Variants in GLCE observed in about 807,000 individuals in gnomAD.
The protein encoded by GLCE is D-glucuronyl C5-epimerase.
Under a neutral mutation model 47.9 loss-of-function variants are expected in GLCE, and 19 were observed. The ratio of observed to expected loss-of-function variants is 0.40; its 90% CI spans 0.28 to 0.58. The LOEUF (loss-of-function observed/expected upper bound fraction) is 0.58, where lower values mean the gene tolerates loss of function less well. Among genes scored for constraint, GLCE ranks in the 20% least tolerant of loss-of-function variants. The pLI is 0.48. For missense variants in GLCE, 556 were observed against 743.3 expected, an observed-to-expected ratio of 0.75 and a Z score of 2.93; for synonymous variants, 245 against 263.4, an observed-to-expected ratio of 0.93 and a Z score of 0.68.
At chr15:69,168,106 C>G (rs994501306) in intron 1 of GLCE, among the ~76,000 whole-genome samples, 2 of 152,016 alleles carry the variant, frequency 1.3e-5, no homozygotes, top group African/African-American at 4.8e-5. Context: ...CCAACATACT[C>G]TAGATTTTTA....
rs532516303 is a variant in GLCE at position 69,255,778 on chromosome 15, C to T, written c.-13-16C>T. The T allele has an allele frequency of 7.1e-5, 99 of 1,402,930 alleles. No homozygotes were observed. Among genetic ancestry groups the T allele is most frequent in the African/African-American group, 4.5e-4 (31 of 68,540 alleles). 86.9% of individuals were successfully genotyped at this position (1,402,930 alleles called of 1,614,324 possible). On this transcript the variant is annotated splice_polypyrimidine_tract_variant and intron_variant, in intron 2 of 4. Transcript: ENST00000261858. Reference sequence around the variant, plus strand: ...AGTACATCTTTGCATGATTTTTTTTCTTCTTGCCTCCATAGGTATGGTCTG... The same window carrying T: ...AGTACATCTTTGCATGATTTTTTTTTTTCTTGCCTCCATAGGTATGGTCTG...
chr15:69,259,925 T>A (rs1336520997), intron 3 of GLCE, among the ~76,000 whole-genome samples: 1 of 152,194 alleles, frequency 6.6e-6, no homozygotes, highest in East Asian at 1.9e-4. Context: ...GCTGTGCTCA[T>A]CAGATTCTTA....
intron 1 of GLCE, among the ~76,000 whole-genome samples, chr15:69,171,548 C>T (rs1329599192): frequency 1.3e-5 from 2 of 151,952 alleles, no homozygotes; most frequent in African/African-American, 2.4e-5. Context: ...AGGCGCCTGC[C>T]ACCATGCCCG....
At chr15:69,220,629 G>A (rs1011404573) in intron 2 of GLCE, among the ~76,000 whole-genome samples, 5 of 152,016 alleles carry the variant, frequency 3.3e-5, no homozygotes, top group African/African-American at 1.2e-4. Context: ...GAATTCGGTC[G>A]TTTGCTTTTT....
chr15:69,196,897 G>T, intron 1 of GLCE: 1 of 183,824 alleles, frequency 5.4e-6, no homozygotes, highest in South Asian at 1.2e-4. Context: ...GATTTTATAT[G>T]ACAACCGCTG....
chr15:69,221,013 A>G (rs1331603470), intron 2 of GLCE, among the ~76,000 whole-genome samples: 1 of 152,240 alleles, frequency 6.6e-6, no homozygotes, highest in Admixed American at 6.5e-5. Context: ...TGTTGAAAAG[A>G]CTGTGCTTTT....
At chr15:69,249,052 A>G (rs2140429245) in intron 2 of GLCE, among the ~76,000 whole-genome samples, 1 of 152,342 alleles carries the variant, frequency 6.6e-6, no homozygotes, top group East Asian at 1.9e-4. Context: ...AAAACTGAGT[A>G]AGGACCTAGA....
chr15:69,208,957 CCT>C (rs1184764155), intron 1 of GLCE, among the ~76,000 whole-genome samples: 7 of 151,948 alleles, frequency 4.6e-5, no homozygotes, highest in African/African-American at 1.7e-4. Context: ...TTGATGTTGA[CCT>C]TTTCTCCCCA....
chr15:69,185,047 A>C (rs1037684181), intron 1 of GLCE, among the ~76,000 whole-genome samples: 2 of 152,182 alleles, frequency 1.3e-5, no homozygotes, highest in Admixed American at 6.5e-5. Context: ...TGGCGTGGAT[A>C]TTGGAGAACA....
In GLCE at chr15:69,220,878, C is replaced by T. The variant is rs372256629; in HGVS notation, c.-14+10472C>T. Among the ~76,000 whole-genome samples the T allele has an allele frequency of 3.8e-4, 58 of 152,074 alleles. No homozygotes were observed. In the South Asian group the frequency reaches 0.011, roughly 28 times the overall value. On this transcript the variant is annotated intron_variant, in intron 2 of 4. Transcript: ENST00000261858. ...AAATCCAATATTGTGAAGCTTTTGC[C>T]CTGTTTTCTTCTAAGAATTTTATAG...
At chr15:69,217,728 C>A (rs868101243) in intron 2 of GLCE, among the ~76,000 whole-genome samples, 68 of 152,316 alleles carry the variant, frequency 4.5e-4, no homozygotes, top group Admixed American at 1.3e-3. Flanking sequence ...CTTTGGTTGA[C>A]TCTGACTCAG....
chr15:69,217,619 C>T (rs2140384324), intron 2 of GLCE, among the ~76,000 whole-genome samples: 1 of 152,196 alleles, frequency 6.6e-6, no homozygotes, highest in Admixed American at 6.5e-5. Flanking sequence ...GCATGTATGA[C>T]AGTTGACATT....
intron 2 of GLCE, among the ~76,000 whole-genome samples, chr15:69,213,055 T>C (rs1207478118): frequency 6.6e-6 from 1 of 152,112 alleles, no homozygotes; most frequent in East Asian, 1.9e-4. Context: ...ATAACGTCTC[T>C]TTTTCTCTTG....
chr15:69,182,883 T>C (rs1322114073), intron 1 of GLCE, among the ~76,000 whole-genome samples: 1 of 151,868 alleles, frequency 6.6e-6, no homozygotes, highest in Non-Finnish European at 1.5e-5. Context: ...GGTGTGGTGG[T>C]GCGTGCCTGT....
intron 2 of GLCE, among the ~76,000 whole-genome samples, chr15:69,225,738 C>T (rs886823535): frequency 1.3e-5 from 2 of 152,078 alleles, no homozygotes; most frequent in Non-Finnish European, 2.9e-5. Flanking sequence ...TGCCTGGCAT[C>T]GATCTAAACA....
chr15:69,219,723 G>T (rs997538120), intron 2 of GLCE, among the ~76,000 whole-genome samples: 1 of 151,930 alleles, frequency 6.6e-6, no homozygotes, highest in Non-Finnish European at 1.5e-5. Flanking sequence ...TGTTTAAATT[G>T]TGTTAAAATA....
At chr15:69,218,027 AC>A (rs2052329829) in intron 2 of GLCE, among the ~76,000 whole-genome samples, 3 of 151,436 alleles carry the variant, frequency 2.0e-5, no homozygotes, top group Admixed American at 2.0e-4. Flanking sequence ...GGTGGTGCGC[AC>A]CTGTAATCGC....
intron 1 of GLCE, among the ~76,000 whole-genome samples, chr15:69,207,744 T>C (rs1298867753): frequency 6.6e-6 from 1 of 152,052 alleles, no homozygotes; most frequent in Admixed American, 6.6e-5. Context: ...AAGTTTTCAG[T>C]TCAGTTTAGT....
intron 1 of GLCE, among the ~76,000 whole-genome samples, chr15:69,162,738 A>C (rs936348518): frequency 2.6e-5 from 4 of 152,044 alleles, no homozygotes; most frequent in Non-Finnish European, 5.9e-5. Context: ...ACGCCTCACT[A>C]ATTTTATTTA....
Sources: gnomAD v4.1 joint callset for allele counts (sites outside exome capture counted in the v4.1 genomes callset) on GRCh38, gnomAD v4.1.1 for gene constraint, MANE v1.5 for transcripts, NCBI Gene and HGNC (gene_info 2026-07-23, HGNC 2026-07-21) for gene names.